The following CECR2 variants were observed in gnomAD, a reference collection of about 807,000 sequenced individuals.
The protein encoded by CECR2 is CECR2 histone acetyl-lysine reader.
Under a neutral mutation model 154.5 loss-of-function variants are expected in CECR2, and 30 were observed. The ratio of observed to expected loss-of-function variants is 0.19; its 90% CI spans 0.15 to 0.26. The LOEUF (loss-of-function observed/expected upper bound fraction) is 0.26, where lower values mean the gene tolerates loss of function less well. Ranked by LOEUF, CECR2 falls within the 10% of genes least tolerant of loss-of-function variation. The pLI is 1.00. For synonymous variants in CECR2, 725 were observed against 683.7 expected (o/e 1.06, Z -0.94); for missense variants, 1,743 against 1,829.3 (o/e 0.95, Z 0.86).
chr22:17,515,433 C>A (rs551856698), intron 8 of CECR2, among the ~76,000 whole-genome samples: 2 of 152,326 alleles, frequency 1.3e-5, no homozygotes, highest in African/African-American at 2.4e-5. Context: ...TGTAAAAGAC[C>A]TGGTAATCCC....
At chr22:17,464,438 AAT>A (rs370687175) in intron 1 of CECR2, among the ~76,000 whole-genome samples, 25,746 of 151,914 alleles carry the variant, frequency 0.17, 2,833 homozygotes, top group Non-Finnish European at 0.25. Context: ...CAATTCAGTT[AAT>A]ATTGGCAGCT....
chr22:17,455,470 C>A (rs1340418210), intron 1 of CECR2, among the ~76,000 whole-genome samples: 1 of 152,156 alleles, frequency 6.6e-6, no homozygotes, highest in Non-Finnish European at 1.5e-5. Context: ...ATTGATCGTT[C>A]ATCTTTTCTC....
chr22:17,404,054 T>C (rs1018812368), intron 1 of CECR2, among the ~76,000 whole-genome samples: 4 of 151,974 alleles, frequency 2.6e-5, no homozygotes, highest in Admixed American at 6.6e-5. Flanking sequence ...GGTCAGGAGT[T>C]TGAGACTAGT....
At chr22:17,494,244 A>G (rs1226744669) in intron 2 of CECR2, among the ~76,000 whole-genome samples, 1 of 152,106 alleles carries the variant, frequency 6.6e-6, no homozygotes, top group African/African-American at 2.4e-5. Context: ...TTACAGGCAT[A>G]TGCCACCACA....
At position 17,481,072 on chromosome 22, in the gene CECR2, G is replaced by A. The variant is rs373798602; in HGVS notation, c.221+3390G>A. On this transcript the variant is annotated intron_variant, in intron 2 of 18. Transcript: ENST00000262608. ...TTTAAAAAAAAAAAAGGCCGGGCACGGTGCCTCACGCCTGTAATCCCAGCA... is the reference window on the plus strand; with the variant it reads ...TTTAAAAAAAAAAAAGGCCGGGCACAGTGCCTCACGCCTGTAATCCCAGCA... Among the ~76,000 whole-genome samples, 136 of 114,716 alleles carry A rather than the reference G, an allele frequency of 1.2e-3. No homozygotes were observed. In the South Asian group the frequency reaches 0.032, roughly 27 times the overall value. The allele number at this position is 114,716 out of a possible 152,430, so 75.3% of individuals were successfully genotyped here.
intron 8 of CECR2, among the ~76,000 whole-genome samples, chr22:17,523,747 C>G (rs1375046791): frequency 3.3e-5 from 4 of 121,860 alleles, no homozygotes; most frequent in African/African-American, 1.3e-4. Flanking sequence ...CAGAGCGAGA[C>G]TCTATCTCAA....
Position 17,409,886 on chromosome 22 carries a change from A to G in CECR2, c.126+39977A>G, listed in dbSNP as rs1359610403. On this transcript the variant is annotated intron_variant, in intron 1 of 18. Coordinates refer to ENST00000262608, the MANE Select transcript of CECR2 (RefSeq NM_001290047.2). ...TGAAATAAAATTTCCAAAAGCAGGGACTGTGTTTTATCCATATTTGTGTTC... is the reference window on the plus strand; with the variant it reads ...TGAAATAAAATTTCCAAAAGCAGGGGCTGTGTTTTATCCATATTTGTGTTC... Among the ~76,000 whole-genome samples the G allele has an allele frequency of 2.4e-4, 27 of 112,128 alleles. 9 individuals are homozygous for G. Among genetic ancestry groups the G allele is most frequent in the Admixed American group, 2.2e-3 (23 of 10,560 alleles). The allele number at this position is 112,128 out of a possible 152,430, so 73.6% of individuals were successfully genotyped here. A position where few individuals can be genotyped will look rare whatever the true frequency, so the allele number is the denominator to read the frequency against.
intron 1 of CECR2, among the ~76,000 whole-genome samples, chr22:17,445,271 G>A (rs1450070689): frequency 6.6e-6 from 1 of 152,124 alleles, no homozygotes; most frequent in Non-Finnish European, 1.5e-5. Context: ...ACTTTGGGAG[G>A]CTGAGGTCAG....
chr22:17,407,947 G>T (rs1013250265), intron 1 of CECR2, among the ~76,000 whole-genome samples: 4 of 152,204 alleles, frequency 2.6e-5, no homozygotes, highest in African/African-American at 9.7e-5. Flanking sequence ...GAACATGGGT[G>T]TCCGAAACTG....
chr22:17,373,750 T>G (rs2063086888), intron 1 of CECR2, among the ~76,000 whole-genome samples: 1 of 152,174 alleles, frequency 6.6e-6, no homozygotes, highest in Admixed American at 6.5e-5. Flanking sequence ...AGCCCCTACT[T>G]TGTGCTTAAC....
intron 1 of CECR2, among the ~76,000 whole-genome samples, chr22:17,435,989 C>G (rs546418105): frequency 6.6e-6 from 1 of 152,156 alleles, no homozygotes; most frequent in Non-Finnish European, 1.5e-5. Context: ...CTGTCTGTCT[C>G]GCTCTGTCAC....
upstream of CECR2, among the ~76,000 whole-genome samples, chr22:17,368,105 A>G (rs1251889209): frequency 2.0e-5 from 3 of 152,198 alleles, no homozygotes; most frequent in East Asian, 5.8e-4. Context: ...GCACGTGAAT[A>G]TACTCTAACC....
chr22:17,543,027 C>T (rs562807173), intron 16 of CECR2, 24 bp downstream of exon 16: 3 of 1,562,472 alleles, frequency 1.9e-6, no homozygotes, highest in African/African-American at 1.4e-5. Context: ...TCACTTTGGG[C>T]TCTTTAAGCT....
At chr22:17,544,116 A>G (rs1601545550) in intron 16 of CECR2, among the ~76,000 whole-genome samples, 1 of 152,212 alleles carries the variant, frequency 6.6e-6, no homozygotes, top group Admixed American at 6.5e-5. Context: ...CTGCAGTCCC[A>G]GAATTTTGGG....
chr22:17,552,797 A>ATTTTTT (rs1352428603), intron 18 of CECR2, 38 bp from the exon 19 acceptor site: 1 of 929,728 alleles, frequency 1.1e-6, no homozygotes, highest in Admixed American at 3.7e-5. Context: ...TAACAACCCA[A>ATTTTTT]TTTTTATTTT....
At chr22:17,549,603 C>A in intron 17 of CECR2, 39 bp downstream of exon 17, 1 of 1,429,016 alleles carries the variant, frequency 7.0e-7, no homozygotes, top group Non-Finnish European at 9.5e-7. Flanking sequence ...AAAGAGAGAA[C>A]AGATGTTTAT....
chr22:17,515,522 G>A (rs1377100122), intron 8 of CECR2, among the ~76,000 whole-genome samples: 1 of 152,156 alleles, frequency 6.6e-6, no homozygotes, highest in Admixed American at 6.5e-5. Context: ...TGCATATTGA[G>A]CATTATATTT....
chr22:17,499,625 A>G (rs1291054818), intron 4 of CECR2, 76 bp downstream of exon 4: 8 of 1,424,914 alleles, frequency 5.6e-6, no homozygotes, highest in African/African-American at 1.5e-5. Flanking sequence ...AGAATTCTAC[A>G]GCACAATTTT....
upstream of CECR2, among the ~76,000 whole-genome samples, chr22:17,365,113 A>G (rs2062995150): frequency 6.6e-6 from 1 of 151,380 alleles, no homozygotes; most frequent in South Asian, 2.1e-4. Context: ...AAACCTAGCT[A>G]CTCGGGAGGC....
Sources: allele counts gnomAD v4.1 joint callset (sites outside exome capture counted in the v4.1 genomes callset), GRCh38; gene constraint gnomAD v4.1.1; transcripts MANE v1.5; gene names NCBI Gene and HGNC (gene_info 2026-07-23, HGNC 2026-07-21).